GALNT2: variants seen among roughly 807,000 people sequenced by gnomAD.
The protein encoded by GALNT2 is polypeptide N-acetylgalactosaminyltransferase 2.
Under a neutral mutation model 81.4 loss-of-function variants are expected in GALNT2, and 31 were observed. The ratio of observed to expected loss-of-function variants is 0.38; its 90% CI spans 0.29 to 0.51. The LOEUF (loss-of-function observed/expected upper bound fraction) is 0.51, where lower values mean the gene tolerates loss of function less well. GALNT2 is among the 20% of genes least tolerant of loss of function. The pLI, the probability that GALNT2 is intolerant of heterozygous loss-of-function variation, is 0.87. For missense variants in GALNT2, 629 were observed against 765.7 expected (o/e 0.82, Z 2.11); for synonymous variants, 303 against 287.4 (o/e 1.05, Z -0.55).
chr1:230,152,284 G>A (rs996404971), intron 1 of GALNT2, among the ~76,000 whole-genome samples: 4 of 152,130 alleles, frequency 2.6e-5, no homozygotes, highest in African/African-American at 9.7e-5. Flanking sequence ...TTACTTCTTT[G>A]AATCCCCAGT....
chr1:230,210,278 A>G (rs1016639579), intron 3 of GALNT2, among the ~76,000 whole-genome samples: 1 of 152,262 alleles, frequency 6.6e-6, no homozygotes, highest in African/African-American at 2.4e-5. Flanking sequence ...TGTAAAATGA[A>G]ATCAACCTTT....
At chr1:230,236,765 C>T in intron 6 of GALNT2, 40 bp downstream of exon 6, 1 of 1,558,984 alleles carries the variant, frequency 6.4e-7, no homozygotes, top group South Asian at 1.2e-5. Context: ...CAGTTGAATT[C>T]TGACTTTTCC....
At chr1:230,090,763 G>T (rs1660047367) in intron 1 of GALNT2, among the ~76,000 whole-genome samples, 1 of 152,218 alleles carries the variant, frequency 6.6e-6, no homozygotes, top group Non-Finnish European at 1.5e-5. Context: ...TTATTTTCTA[G>T]TGTGTAAATC....
chr1:230,153,991 A>T (rs1445423800), intron 1 of GALNT2, among the ~76,000 whole-genome samples: 2 of 152,246 alleles, frequency 1.3e-5, no homozygotes, highest in African/African-American at 4.8e-5. Flanking sequence ...TACCTTATAA[A>T]GACTCAGAAA....
intron 1 of GALNT2, among the ~76,000 whole-genome samples, chr1:230,167,159 G>T (rs1416896952): frequency 1.3e-5 from 2 of 151,814 alleles, no homozygotes; most frequent in Non-Finnish European, 2.9e-5. Flanking sequence ...GGTGGTGGGG[G>T]GTGACAGAGG....
At chr1:230,226,842 A>G (rs1246900155) in intron 3 of GALNT2, among the ~76,000 whole-genome samples, 1 of 152,228 alleles carries the variant, frequency 6.6e-6, no homozygotes, top group Non-Finnish European at 1.5e-5. Flanking sequence ...AGCTGAAATC[A>G]ATCACTCTGT....
intron 1 of GALNT2, among the ~76,000 whole-genome samples, chr1:230,075,952 C>G (rs1364174459): frequency 6.6e-6 from 1 of 152,150 alleles, no homozygotes; most frequent in Non-Finnish European, 1.5e-5. Flanking sequence ...GATCTCTCTA[C>G]TCCTTGGTTT....
At chr1:230,214,709 G>A (rs1457894050) in intron 3 of GALNT2, among the ~76,000 whole-genome samples, 1 of 151,996 alleles carries the variant, frequency 6.6e-6, no homozygotes, top group East Asian at 1.9e-4. Context: ...TGTCAGTTTT[G>A]CCATGCTGCA....
In GALNT2 at chr1:230,082,219, T is replaced by G. The variant is rs75517052; in HGVS notation, c.126+14813T>G. On this transcript the variant is annotated intron_variant, in intron 1 of 15. Transcript: ENST00000366672. ...TGCCTTCAATCTGGGAAGGTCTCTG[T>G]TTCTTTGTGTAAGGTGAAGCTGTGG... 1.5e-3 allele frequency among the ~76,000 whole-genome samples: 226 copies of G among 152,346 alleles called. 1 individual carries two copies. Among genetic ancestry groups the G allele is most frequent in the African/African-American group, 5.1e-3 (214 of 41,574 alleles).
At chr1:230,215,649 G>A (rs934178144) in intron 3 of GALNT2, among the ~76,000 whole-genome samples, 2 of 152,198 alleles carry the variant, frequency 1.3e-5, no homozygotes, top group African/African-American at 4.8e-5. Context: ...GGAAATACAG[G>A]CTTGAAGTTG....
intron 3 of GALNT2, 97 bp from the exon 4 acceptor site, chr1:230,235,917 A>C (rs1050486105): frequency 9.8e-7 from 1 of 1,017,248 alleles, no homozygotes; most frequent in Non-Finnish European, 1.5e-6. Flanking sequence ...TAGCATGTCC[A>C]TCCCAGTTGG....
chr1:230,119,153 A>T (rs1660937245), intron 1 of GALNT2, among the ~76,000 whole-genome samples: 1 of 152,160 alleles, frequency 6.6e-6, no homozygotes, highest in African/African-American at 2.4e-5. Flanking sequence ...TTAATTCAGG[A>T]TTTATATAAA....
At chr1:230,175,593 CCCTCCTCG>C (rs1662946935) in intron 1 of GALNT2, among the ~76,000 whole-genome samples, 1 of 80,578 alleles carries the variant, frequency 1.2e-5, no homozygotes, top group South Asian at 5.8e-4. Flanking sequence ...CCTCCTCGTC[CCCTCCTCG>C]TCCTCCTCCT....
At chr1:230,135,325 C>T (rs567329265) in intron 1 of GALNT2, among the ~76,000 whole-genome samples, 7 of 152,218 alleles carry the variant, frequency 4.6e-5, no homozygotes, top group South Asian at 4.2e-4. Flanking sequence ...CATTTTGGGC[C>T]GATTCCTGTG....
chr1:230,162,450 A>G (rs544022259), intron 1 of GALNT2, among the ~76,000 whole-genome samples: 2 of 152,282 alleles, frequency 1.3e-5, no homozygotes, highest in Admixed American at 1.3e-4. Context: ...ATATCCCAAA[A>G]TGAAGGCCTC....
At chr1:230,132,080 C>T (rs754034263) in intron 1 of GALNT2, among the ~76,000 whole-genome samples, 1 of 152,150 alleles carries the variant, frequency 6.6e-6, no homozygotes, top group Non-Finnish European at 1.5e-5. Flanking sequence ...TTTTCCTCTT[C>T]TTCTTCTCTC....
chr1:230,202,370 C>T (rs760174264), intron 2 of GALNT2, among the ~76,000 whole-genome samples: 39 of 152,236 alleles, frequency 2.6e-4, no homozygotes, highest in African/African-American at 9.2e-4. Context: ...GTCGCCAACA[C>T]TGCCTCTGCC....
At chr1:230,191,501 A>G (rs1663523302) in intron 2 of GALNT2, among the ~76,000 whole-genome samples, 1 of 152,140 alleles carries the variant, frequency 6.6e-6, no homozygotes, top group Admixed American at 6.5e-5. Context: ...CAGAAATTAG[A>G]GGGAAGCATT....
intron 10 of GALNT2, among the ~76,000 whole-genome samples, chr1:230,253,147 C>T (rs1242374588): frequency 2.0e-5 from 3 of 152,140 alleles, no homozygotes; most frequent in African/African-American, 4.8e-5. Flanking sequence ...TGCGCCCAGC[C>T]GACAACTTCT....
Sources: allele counts gnomAD v4.1 joint callset (sites outside exome capture counted in the v4.1 genomes callset), GRCh38; gene constraint gnomAD v4.1.1; transcripts MANE v1.5; gene names NCBI Gene and HGNC (gene_info 2026-07-23, HGNC 2026-07-21).